Variants in NBPF9 observed in about 807,000 individuals in gnomAD.
The protein encoded by NBPF9 is NBPF member 9.
NBPF9 carries 91 observed loss-of-function variants against 97.8 expected under a neutral mutation model. The observed-to-expected ratio is 0.93, with a 90% CI of 0.79 to 1.11. The LOEUF is 1.11. NBPF9 is among the 50% of genes least tolerant of loss of function. The pLI, the probability that NBPF9 is intolerant of heterozygous loss-of-function variation, is 0.00. For synonymous variants in NBPF9, 334 were observed against 359.5 expected, an observed-to-expected ratio of 0.93 and a Z score of 0.80; for missense variants, 992 against 939.5, an observed-to-expected ratio of 1.06 and a Z score of -0.73.
chr1:149,054,902 G>C (rs1254227319), exon 30 of NBPF9: 3 of 150,958 alleles, frequency 2.0e-5, no homozygotes, highest in African/African-American at 7.3e-5. Context: ...ATGAAACTCA[G>C]GCTAAGCGTT....
intron 3 of NBPF9, among the ~76,000 whole-genome samples, chr1:149,100,038 T>C (rs1328590897): frequency 6.9e-6 from 1 of 145,716 alleles, no homozygotes; most frequent in Admixed American, 6.9e-5. Flanking sequence ...TAGAATACTA[T>C]TGTTTACATC....
At chr1:149,071,848 G>A (rs1185692450) in intron 14 of NBPF9, among the ~76,000 whole-genome samples, 172 bp from the exon 15 acceptor site, 2 of 150,966 alleles carry the variant, frequency 1.3e-5, no homozygotes, top group Non-Finnish European at 2.9e-5. Context: ...GATCCATCAG[G>A]CAATGCATTT....
chr1:149,085,643 T>C (rs1163592010), intron 5 of NBPF9, among the ~76,000 whole-genome samples: 7 of 152,214 alleles, frequency 4.6e-5, no homozygotes, highest in African/African-American at 1.4e-4. Context: ...ACCTGCTTCA[T>C]TGCATGTATT....
downstream of NBPF9, among the ~76,000 whole-genome samples, chr1:149,052,189 G>C (rs1417576012): frequency 6.7e-6 from 1 of 150,218 alleles, no homozygotes; most frequent in Non-Finnish European, 1.5e-5. Flanking sequence ...CACAGAGTTA[G>C]GTAAAGTGTT....
At chr1:149,082,856 T>C (rs2152910367) in intron 5 of NBPF9, among the ~76,000 whole-genome samples, 1 of 148,508 alleles carries the variant, frequency 6.7e-6, no homozygotes, top group South Asian at 2.2e-4. Flanking sequence ...CTAGGCTCAC[T>C]GCAAGCTCTG....
Position 149,055,875 on chromosome 1 carries a change from C to T in NBPF9, c.3117G>A (p.Val1039=), listed in dbSNP as rs781853195. 4 of 1,610,736 alleles carry T rather than the reference C, an allele frequency of 2.5e-6. No individual in the cohort carries two copies. The South Asian group carries it at 4.4e-5, about 18-fold the overall frequency. ...AGTCCTGCAAGACTTCAGGCTCTTCCACTTCCATCAGCACGCCGTTGAGCC... is the reference window on the plus strand; with the variant it reads ...AGTCCTGCAAGACTTCAGGCTCTTCTACTTCCATCAGCACGCCGTTGAGCC... The change falls in exon 30 of 30, where the codon GTG becomes GTA. Residue 1039 remains valine (V), a synonymous_variant. Transcript: ENST00000584027.
intron 16 of NBPF9, among the ~76,000 whole-genome samples, 187 bp downstream of exon 16, chr1:149,070,747 C>G (rs1326224095): frequency 1.3e-5 from 2 of 152,096 alleles, no homozygotes; most frequent in African/African-American, 4.8e-5. Flanking sequence ...GGTTGAGTAA[C>G]TTGATACTGG....
At chr1:149,090,218 T>C (rs1247677633) in intron 5 of NBPF9, 11 of 152,920 alleles carry the variant, frequency 7.2e-5, no homozygotes, top group African/African-American at 2.7e-4. Context: ...CAAATGTTCC[T>C]TTGGCTCTGA....
chr1:149,072,529 A>G (rs1553653181), intron 14 of NBPF9, among the ~76,000 whole-genome samples, 189 bp downstream of exon 14: 2 of 152,138 alleles, frequency 1.3e-5, no homozygotes, highest in Non-Finnish European at 2.9e-5. Flanking sequence ...GGACACTTGC[A>G]ATAATGTGAC....
Position 149,062,389 on chromosome 1 carries a change from G to T in NBPF9, c.2079-124C>A, listed in dbSNP as rs878903202. The T allele has an allele frequency of 9.0e-6, 6 of 667,146 alleles. 1 individual carries two copies. The African/African-American group carries it at 9.5e-5, about 11-fold the overall frequency. The allele number at this position is 667,146 out of a possible 1,614,324, so 41.3% of individuals were successfully genotyped here. ...GAAAAAGGACAGATCCATTAATGAG[G>T]TAATGAATTATTGCCTTTAGGTTGG... On this transcript the variant is annotated intron_variant, in intron 21 of 29. Coordinates refer to ENST00000584027, the Ensembl canonical transcript of NBPF9.
intron 5 of NBPF9, among the ~76,000 whole-genome samples, chr1:149,084,257 T>C (rs1482380673): frequency 6.8e-6 from 1 of 146,474 alleles, no homozygotes; most frequent in African/African-American, 2.5e-5. Context: ...ATATATAATA[T>C]ATATACACGT....
chr1:149,074,559 T>C (rs2079688663), intron 12 of NBPF9, among the ~76,000 whole-genome samples: 1 of 151,422 alleles, frequency 6.6e-6, no homozygotes, highest in Non-Finnish European at 1.5e-5. Context: ...TGCAGCAATT[T>C]ACAGAGGTAG....
chr1:149,101,941 T>A (rs2082171181), intron 2 of NBPF9, among the ~76,000 whole-genome samples: 1 of 140,294 alleles, frequency 7.1e-6, no homozygotes, highest in Non-Finnish European at 1.6e-5. Context: ...TTTTTTTTTT[T>A]TTTTGGAGAC....
At chr1:149,084,333 AATAT>A (rs1339608472) in intron 5 of NBPF9, among the ~76,000 whole-genome samples, 2 of 147,776 alleles carry the variant, frequency 1.4e-5, no homozygotes, top group Non-Finnish European at 3.0e-5. Context: ...CACACACATG[AATAT>A]ATATAATATA....
intron 5 of NBPF9, among the ~76,000 whole-genome samples, chr1:149,089,161 G>A (rs75530459): frequency 4.6e-5 from 7 of 151,806 alleles, no homozygotes; most frequent in South Asian, 2.1e-4. Flanking sequence ...GGCATCTCCC[G>A]CCATGACCTC....
chr1:149,102,576 TAGG>T (rs1166012528), intron 2 of NBPF9, among the ~76,000 whole-genome samples, 150 bp downstream of exon 2: 1 of 146,298 alleles, frequency 6.8e-6, no homozygotes, highest in Non-Finnish European at 1.5e-5. Context: ...CAGCAAAAGA[TAGG>T]AGGAAAGCAA....
rs1559528430 is a variant in NBPF9, at chr1:149,073,753, A to C, written c.1091+15T>G. The C allele has an allele frequency of 1.9e-6, 3 of 1,579,232 alleles. No individual in the cohort carries two copies. The highest frequency in any genetic ancestry group is 2.3e-4 in the Middle Eastern group (1 of 4,368). The stretch of plus-strand genomic sequence containing the variant: ...CACACCTGCCCCCCTGCCTGCCCCC[A>C]TGGGGTCCCCTCACCTGAGCTCCTC... On this transcript the variant is annotated intron_variant, in intron 13 of 29. Coordinates refer to ENST00000584027, the Ensembl canonical transcript of NBPF9.
intron 5 of NBPF9, among the ~76,000 whole-genome samples, chr1:149,084,952 C>T (rs1207258852): frequency 6.6e-6 from 1 of 151,834 alleles, no homozygotes; most frequent in Non-Finnish European, 1.5e-5. Context: ...AAGAAGGTAT[C>T]CATGGCAATT....
At chr1:149,084,384 G>A (rs1161289857) in intron 5 of NBPF9, among the ~76,000 whole-genome samples, 4 of 145,718 alleles carry the variant, frequency 2.7e-5, no homozygotes, top group South Asian at 2.1e-4. Context: ...TATATAATAC[G>A]TGTATATACA....
Sources: gnomAD v4.1 joint callset for allele counts (sites outside exome capture counted in the v4.1 genomes callset) on GRCh38, gnomAD v4.1.1 for gene constraint, MANE v1.5 for transcripts, NCBI Gene and HGNC (gene_info 2026-07-23, HGNC 2026-07-21) for gene names.